The following GOSR2 variants were observed in gnomAD, a reference collection of about 807,000 sequenced individuals.
The protein encoded by GOSR2 is 27 kDa Golgi SNARE protein.
GOSR2 carries 20 observed loss-of-function variants against 27.9 expected under a neutral mutation model. That is an observed-to-expected ratio of 0.72 (90% CI 0.50 to 1.04). The LOEUF is 1.04. Ranked by LOEUF, GOSR2 falls within the 50% of genes least tolerant of loss-of-function variation. The pLI is 0.00. For synonymous variants in GOSR2, 91 were observed against 98.8 expected (o/e 0.92, Z 0.47); for missense variants, 261 against 270.5 (o/e 0.97, Z 0.25).
chr17:46,956,146 C>T (rs1405202624), intron 6 of GOSR2, among the ~76,000 whole-genome samples: 1 of 152,132 alleles, frequency 6.6e-6, no homozygotes, highest in Non-Finnish European at 1.5e-5. Context: ...AAAACCGATT[C>T]ACAGCACATA....
chr17:46,929,321 A>C (rs951709192), intron 1 of GOSR2, among the ~76,000 whole-genome samples, 199 bp from the exon 2 acceptor site: 2 of 152,202 alleles, frequency 1.3e-5, no homozygotes, highest in Non-Finnish European at 2.9e-5. Flanking sequence ...TAATCTGCCT[A>C]TCAGTGTTAT....
chr17:46,924,711 A>G (rs2086230318), intron 1 of GOSR2, among the ~76,000 whole-genome samples: 1 of 152,198 alleles, frequency 6.6e-6, no homozygotes, highest in Non-Finnish European at 1.5e-5. Flanking sequence ...ATTTTCTTTT[A>G]CACTGGGGAG....
At chr17:46,966,827 AG>A in exon 7 of GOSR2, 1 of 428,100 alleles carries the variant, frequency 2.3e-6, no homozygotes, top group Admixed American at 4.3e-5. Context: ...AATTATGAAA[AG>A]TGCTTCACAC....
chr17:46,929,484 C>A (rs548087483), intron 1 of GOSR2, 36 bp from the exon 2 acceptor site: 2 of 1,099,958 alleles, frequency 1.8e-6, no homozygotes, highest in South Asian at 2.5e-5. Context: ...GTTGATTACT[C>A]CTGTCTCACT....
At chr17:46,946,282 C>CAAAAAAAAAA (rs58163051), downstream of GOSR2, among the ~76,000 whole-genome samples, 5 of 126,714 alleles carry the variant, frequency 3.9e-5, no homozygotes, top group African/African-American at 9.5e-5. Context: ...CTAAAAATAC[C>CAAAAAAAAAA]AAAAAAAAAA....
At chr17:46,948,693 C>T (rs1201785333) in intron 6 of GOSR2, 1 of 152,230 alleles carries the variant, frequency 6.6e-6, no homozygotes, top group Admixed American at 6.5e-5. Context: ...CCAGAAATCC[C>T]AGGATCTTAC....
At chr17:46,938,235 A>G (rs575413556) in intron 5 of GOSR2, among the ~76,000 whole-genome samples, 3 of 151,974 alleles carry the variant, frequency 2.0e-5, no homozygotes, top group Non-Finnish European at 2.9e-5. Context: ...TTTTATGTTT[A>G]ATTCTATGAA....
At chr17:46,928,463 C>CA (rs1045707099) in intron 1 of GOSR2, among the ~76,000 whole-genome samples, 1 of 152,086 alleles carries the variant, frequency 6.6e-6, no homozygotes, top group African/African-American at 2.4e-5. Flanking sequence ...CCGTGAGCAC[C>CA]GGGAAGTGGA....
intron 4 of GOSR2, among the ~76,000 whole-genome samples, chr17:46,934,577 C>A (rs1281312891): frequency 1.3e-5 from 2 of 152,138 alleles, no homozygotes; most frequent in Non-Finnish European, 2.9e-5. Flanking sequence ...AACTCTCAGT[C>A]TACTTGGAGA....
At chr17:46,932,737 A>G (rs1184597274) in intron 4 of GOSR2, 3 of 189,160 alleles carry the variant, frequency 1.6e-5, no homozygotes, top group Non-Finnish European at 3.3e-5. Flanking sequence ...GTTGGTTTGC[A>G]TGTTTGATTT....
chr17:46,932,497 A>T, intron 4 of GOSR2: 1 of 592,246 alleles, frequency 1.7e-6, no homozygotes. Flanking sequence ...CATGGTGGAA[A>T]CGTTTTTCTG....
downstream of GOSR2, among the ~76,000 whole-genome samples, chr17:46,946,334 G>A (rs1320978154): frequency 1.9e-4 from 29 of 150,320 alleles, no homozygotes; most frequent in African/African-American, 6.6e-4. Flanking sequence ...GGTGGCGCAT[G>A]CCTGTAATCC....
At chr17:46,938,316 A>G (rs2088754996) in intron 5 of GOSR2, among the ~76,000 whole-genome samples, 1 of 152,198 alleles carries the variant, frequency 6.6e-6, no homozygotes, top group Non-Finnish European at 1.5e-5. Context: ...TGTAAGAGAG[A>G]TACATATATA....
chr17:46,947,695 A>G (rs2090018067), intron 6 of GOSR2, among the ~76,000 whole-genome samples: 1 of 152,198 alleles, frequency 6.6e-6, no homozygotes, highest in South Asian at 2.1e-4. Context: ...CTGTCTGTAT[A>G]GTGAGAATAA....
chr17:46,934,918 C>A, intron 4 of GOSR2, 111 bp from the exon 5 acceptor site: 1 of 954,882 alleles, frequency 1.0e-6, no homozygotes, highest in Non-Finnish European at 1.7e-6. Context: ...CTGATTCTTT[C>A]ACCAGCCCCT....
rs199529204 is a variant in GOSR2 at position 46,941,740 on chromosome 17, A to AT, written c.*2996dup. 0.04 allele frequency: 6,029 copies of AT among 149,760 alleles called. 176 individuals are homozygous for AT. The highest frequency in any genetic ancestry group is 0.083 in the Admixed American group (1,180 of 14,266). 9.3% of individuals were successfully genotyped at this position (149,760 alleles called of 1,614,324 possible). A position where few individuals can be genotyped will look rare whatever the true frequency, so the allele number is the denominator to read the frequency against. ...AAGTGTGTGCCACCATGTCTGGCTA[A>AT]TTTTTTTTTTTTTTTTGTATTTTTT... On this transcript the variant is annotated 3_prime_UTR_variant, in exon 6 of 6. Coordinates refer to ENST00000640051, the MANE Select transcript of GOSR2 (RefSeq NM_004287.5).
intron 1 of GOSR2, chr17:46,923,904 G>C (rs1318886649): frequency 2.5e-6 from 1 of 398,400 alleles, no homozygotes; most frequent in Non-Finnish European, 4.4e-6. Context: ...CTATTTTTGG[G>C]GGCGGGGGGC....
At chr17:46,961,528 C>G (rs1459746624) in intron 6 of GOSR2, among the ~76,000 whole-genome samples, 1 of 152,124 alleles carries the variant, frequency 6.6e-6, no homozygotes, top group Admixed American at 6.6e-5. Flanking sequence ...AATTAAGACT[C>G]TGCCTCTGTT....
At chr17:46,961,714 G>A (rs1331852756) in intron 6 of GOSR2, among the ~76,000 whole-genome samples, 1 of 152,082 alleles carries the variant, frequency 6.6e-6, no homozygotes. Context: ...TAACGACATA[G>A]AAAATTTGCA....
Sources: gnomAD v4.1 joint callset for allele counts (sites outside exome capture counted in the v4.1 genomes callset) on GRCh38, gnomAD v4.1.1 for gene constraint, MANE v1.5 for transcripts, NCBI Gene and HGNC (gene_info 2026-07-23, HGNC 2026-07-21) for gene names.